DNAI3: variants seen among roughly 807,000 people sequenced by gnomAD.
DNAI3 encodes the protein dynein axonemal intermediate chain 3, also known as WD repeat domain 63.
A neutral mutation model predicts 115.5 loss-of-function variants in DNAI3; 83 were observed. The observed-to-expected ratio is 0.72, with a 90% CI of 0.60 to 0.86. The LOEUF is 0.86. Among genes scored for constraint, DNAI3 ranks in the 40% least tolerant of loss-of-function variants. The pLI is 0.00. For synonymous variants in DNAI3, 320 were observed against 347.0 expected (o/e 0.92, Z 0.86); for missense variants, 1,004 against 1,075.8 (o/e 0.93, Z 0.93).
chr1:85,107,456 A>T (rs1277896118), intron 14 of DNAI3, among the ~76,000 whole-genome samples: 2 of 152,228 alleles, frequency 1.3e-5, no homozygotes, highest in African/African-American at 4.8e-5. Flanking sequence ...AGCCTTAAAA[A>T]CATGCTAAGA....
chr1:85,130,313 T>C (rs1485285022), intron 22 of DNAI3: 3 of 668,648 alleles, frequency 4.5e-6, no homozygotes, highest in Non-Finnish European at 7.1e-6. Flanking sequence ...CCAATTTAAG[T>C]TTCTGAAATT....
At position 85,084,535 on chromosome 1, in the gene DNAI3, T is replaced by G; in HGVS notation, c.391-11T>G. ...GGCATACATTGTAGAATGCTATTTA[T>G]TTTACTTTAGCCCCCAGAAGTACCA... On this transcript the variant is annotated splice_polypyrimidine_tract_variant and intron_variant, in intron 5 of 22. Coordinates refer to ENST00000294664, the MANE Select transcript of DNAI3 (RefSeq NM_145172.5). 7.2e-7 allele frequency: 1 copy of G among 1,394,830 alleles called. No individual in the cohort carries two copies. The highest frequency in any genetic ancestry group is 1.5e-5 in the African/African-American group (1 of 67,706). The allele number at this position is 1,394,830 out of a possible 1,614,324, so 86.4% of individuals were successfully genotyped here. A position where few individuals can be genotyped will look rare whatever the true frequency, so the allele number is the denominator to read the frequency against.
intron 3 of DNAI3, among the ~76,000 whole-genome samples, chr1:85,076,385 G>A (rs576082153): frequency 6.6e-6 from 1 of 152,076 alleles, no homozygotes; most frequent in Non-Finnish European, 1.5e-5. Flanking sequence ...ACAAAAAGTA[G>A]AGATCCGTAA....
chr1:85,093,627 T>G lies in DNAI3; in HGVS notation c.1027T>G (p.Ser343Ala), dbSNP rs751266786. The G allele has an allele frequency of 1.2e-6, 2 of 1,614,124 alleles. No homozygotes were observed. Among genetic ancestry groups the G allele is most frequent in the South Asian group, 2.2e-5 (2 of 91,076 alleles). ...AACGGAGAAAATGATTACCTGTGTC[T>G]CATGGCATCCAACTATCTATGGTGA... ...SPTEKMITCV[S>A]WHPTIYGLIA... Residue 343 changes from serine (S) to alanine (A), a missense_variant, in exon 9 of 23, where the codon TCA (serine) becomes GCA (alanine). Coordinates refer to ENST00000294664, the MANE Select transcript of DNAI3 (RefSeq NM_145172.5).
chr1:85,104,460 G>T (rs1655426477), intron 13 of DNAI3, 64 bp from the exon 14 acceptor site: 9 of 1,381,182 alleles, frequency 6.5e-6, no homozygotes, highest in Non-Finnish European at 8.1e-6. Flanking sequence ...AAGAAGAAAA[G>T]AATTTAAAAG....
At chr1:85,084,364 C>A (rs545088485) in intron 5 of DNAI3, among the ~76,000 whole-genome samples, 182 bp from the exon 6 acceptor site, 2 of 141,072 alleles carry the variant, frequency 1.4e-5, no homozygotes, top group South Asian at 4.5e-4. Context: ...CCTCTTTTTT[C>A]TTTTTCCCTT....
chr1:85,102,212 G>C (rs1363450224), intron 13 of DNAI3, among the ~76,000 whole-genome samples: 1 of 152,008 alleles, frequency 6.6e-6, no homozygotes, highest in Non-Finnish European at 1.5e-5. Context: ...TAATTTGACT[G>C]TTCCTAGTAT....
chr1:85,063,437 G>T (rs968912855), intron 1 of DNAI3, among the ~76,000 whole-genome samples: 3 of 152,162 alleles, frequency 2.0e-5, no homozygotes, highest in Non-Finnish European at 2.9e-5. Context: ...GAACTGGAAA[G>T]GTTGACGCAG....
At chr1:85,127,273 G>A (rs1656175870) in intron 20 of DNAI3, among the ~76,000 whole-genome samples, 3 of 152,246 alleles carry the variant, frequency 2.0e-5, no homozygotes, top group African/African-American at 7.2e-5. Flanking sequence ...CAACTATGAG[G>A]AAAAACTACT....
intron 8 of DNAI3, among the ~76,000 whole-genome samples, chr1:85,091,392 C>G (rs1297698483): frequency 6.6e-6 from 1 of 152,110 alleles, no homozygotes; most frequent in Non-Finnish European, 1.5e-5. Context: ...TAGTGGACAG[C>G]TTTATGATTC....
Position 85,121,792 on chromosome 1 carries a change from C to A in DNAI3, c.1959C>A (p.Asp653Glu). ...ACACAGATTGGAAAATGGAAAAAGA[C>A]CCTGAAACTGGCCGACTTATGTGTA... ...VIYTDWKMEK[D>E]PETGRLMSKK... is the part of the protein sequence containing the mutation. Residue 653 changes from aspartate to glutamate, a missense_variant, in exon 18 of 23, where the codon GAC becomes GAA. This residue lies in a region of DNAI3 where 429 missense variants were observed against 454.3 expected (regional missense o/e 0.94). Coordinates refer to ENST00000294664, the MANE Select transcript of DNAI3 (RefSeq NM_145172.5). The A allele has an allele frequency of 2.5e-6, 4 of 1,614,112 alleles. No homozygotes were observed. The highest frequency in any genetic ancestry group is 3.4e-6 in the Non-Finnish European group (4 of 1,180,000).
At chr1:85,083,298 GT>G (rs1654685976) in intron 5 of DNAI3, among the ~76,000 whole-genome samples, 1 of 152,094 alleles carries the variant, frequency 6.6e-6, no homozygotes, top group Non-Finnish European at 1.5e-5. Context: ...ATGAGCCTGG[GT>G]AACATGGCAA....
chr1:85,104,497 T>A, intron 13 of DNAI3, 27 bp from the exon 14 acceptor site: 1 of 1,590,738 alleles, frequency 6.3e-7, no homozygotes, highest in Non-Finnish European at 8.6e-7. Flanking sequence ...AAAACAATTT[T>A]ATTTCTCTTT....
intron 2 of DNAI3, among the ~76,000 whole-genome samples, chr1:85,072,409 C>T (rs1006365734): frequency 1.1e-4 from 16 of 152,024 alleles, no homozygotes; most frequent in African/African-American, 3.1e-4. Context: ...TTTGGGAGGC[C>T]GAGGCGGTTG....
chr1:85,121,626 A>T, intron 17 of DNAI3, 125 bp from the exon 18 acceptor site: 2 of 824,908 alleles, frequency 2.4e-6, no homozygotes, highest in Non-Finnish European at 3.9e-6. Context: ...GGATCAAATT[A>T]CTTGATTAAA....
At position 85,065,821 on chromosome 1, in the gene DNAI3, A is replaced by G. The variant is rs554308519; in HGVS notation, c.-15+3335A>G. On this transcript the variant is annotated intron_variant, in intron 1 of 22. Coordinates refer to ENST00000294664, the MANE Select transcript of DNAI3 (RefSeq NM_145172.5). ...TCACTGTATTATGACAATTTAATTTATGTTACTTATGCCTTCATCTATAGT... is the reference window on the plus strand; with the variant it reads ...TCACTGTATTATGACAATTTAATTTGTGTTACTTATGCCTTCATCTATAGT... 3.9e-5 allele frequency among the ~76,000 whole-genome samples: 6 copies of G among 152,356 alleles called. No individual in the cohort carries two copies. The South Asian group carries it at 1.2e-3, about 32-fold the overall frequency.
At chr1:85,112,960 G>A (rs1299629391) in intron 16 of DNAI3, among the ~76,000 whole-genome samples, 2 of 152,090 alleles carry the variant, frequency 1.3e-5, no homozygotes, top group Non-Finnish European at 2.9e-5. Context: ...GTAGAGACAG[G>A]GTTTTGCCAT....
intron 1 of DNAI3, among the ~76,000 whole-genome samples, chr1:85,069,651 G>C (rs1178379849): frequency 6.6e-6 from 1 of 152,030 alleles, no homozygotes; most frequent in Non-Finnish European, 1.5e-5. Flanking sequence ...CTCCCAAAAT[G>C]CTGGGATTAC....
At chr1:85,099,541 G>C (rs978532360) in intron 13 of DNAI3, among the ~76,000 whole-genome samples, 1 of 152,100 alleles carries the variant, frequency 6.6e-6, no homozygotes, top group African/African-American at 2.4e-5. Flanking sequence ...CGTGAAAATG[G>C]CCATACTGCC....
Sources: allele counts gnomAD v4.1 joint callset (sites outside exome capture counted in the v4.1 genomes callset), GRCh38; gene constraint gnomAD v4.1.1; regional missense constraint gnomAD v4.1.1; transcripts MANE v1.5; gene names NCBI Gene and HGNC (gene_info 2026-07-23, HGNC 2026-07-21).